IGSF21: variants seen among roughly 807,000 people sequenced by gnomAD.
The protein encoded by IGSF21 is immunoglobulin superfamily member 21.
In IGSF21, 28 loss-of-function variants were observed where a neutral mutation model predicts 46.8. The observed-to-expected ratio is 0.60, with a 90% CI of 0.44 to 0.82. The LOEUF (loss-of-function observed/expected upper bound fraction) is 0.82. Among genes scored for constraint, IGSF21 ranks in the 40% least tolerant of loss-of-function variants. The pLI is 0.00. For missense variants in IGSF21, 624 were observed against 665.5 expected, an observed-to-expected ratio of 0.94 and a Z score of 0.69; for synonymous variants, 284 against 273.6, an observed-to-expected ratio of 1.04 and a Z score of -0.38.
intron 4 of IGSF21, among the ~76,000 whole-genome samples, chr1:18,345,571 G>A (rs2085884439): frequency 6.6e-6 from 1 of 152,040 alleles, no homozygotes; most frequent in African/African-American, 2.4e-5. Context: ...TTTTAGTAGA[G>A]ACATGTTTCT....
chr1:18,359,709 G>A (rs954229175), intron 4 of IGSF21, among the ~76,000 whole-genome samples: 1 of 152,166 alleles, frequency 6.6e-6, no homozygotes, highest in African/African-American at 2.4e-5. Context: ...AGCTCTAACT[G>A]CAGAGGTCAC....
intron 1 of IGSF21, among the ~76,000 whole-genome samples, chr1:18,147,871 G>T (rs2086484202): frequency 2.0e-5 from 3 of 152,232 alleles, no homozygotes; most frequent in Admixed American, 6.5e-5. Context: ...TCGTGGGAGG[G>T]ACTTGGTGGG....
At chr1:18,135,572 C>T (rs1203445899) in intron 1 of IGSF21, among the ~76,000 whole-genome samples, 1 of 152,158 alleles carries the variant, frequency 6.6e-6, no homozygotes, top group Non-Finnish European at 1.5e-5. Context: ...TCATCCATGT[C>T]CCTACAAAGG....
At chr1:18,177,122 A>G (rs1268983657) in intron 1 of IGSF21, among the ~76,000 whole-genome samples, 3 of 152,214 alleles carry the variant, frequency 2.0e-5, no homozygotes, top group Non-Finnish European at 4.4e-5. Context: ...CTGGGAAGAT[A>G]TATTGCTTGA....
chr1:18,305,163 C>T (rs1041069478), intron 3 of IGSF21, among the ~76,000 whole-genome samples: 1 of 149,734 alleles, frequency 6.7e-6, no homozygotes, highest in African/African-American at 2.5e-5. Context: ...AGTAAGCACT[C>T]AATAAGAGAT....
At chr1:18,239,348 G>T (rs932584641) in intron 2 of IGSF21, among the ~76,000 whole-genome samples, 23 of 151,926 alleles carry the variant, frequency 1.5e-4, no homozygotes, top group Admixed American at 7.9e-4. Flanking sequence ...CATTTTCCTT[G>T]TTGGGTGTGA....
intron 3 of IGSF21, among the ~76,000 whole-genome samples, chr1:18,315,302 G>A (rs1045918246): frequency 6.6e-6 from 1 of 152,098 alleles, no homozygotes; most frequent in African/African-American, 2.4e-5. Flanking sequence ...AGTATAGCCT[G>A]GTCAGATCTT....
intron 3 of IGSF21, among the ~76,000 whole-genome samples, chr1:18,327,649 A>G (rs955383482): frequency 6.6e-6 from 1 of 152,210 alleles, no homozygotes; most frequent in African/African-American, 2.4e-5. Flanking sequence ...AAAACATAGT[A>G]CACACTTTGT....
At position 18,356,863 on chromosome 1, in the gene IGSF21, G is replaced by C. The variant is rs192699296; in HGVS notation, c.425-5252G>C. On this transcript the variant is annotated intron_variant, in intron 4 of 9. Transcript: ENST00000251296. ...GGAATGGAGGTGGGATAGAGATGGG[G>C]GAGGAGATGGAGTTGAAGTTGGTCG... Among the ~76,000 whole-genome samples, 21 of 152,250 alleles carry C rather than the reference G, an allele frequency of 1.4e-4. No homozygotes were observed. The East Asian group carries it at 3.9e-3, about 28-fold the overall frequency.
intron 2 of IGSF21, among the ~76,000 whole-genome samples, chr1:18,269,537 A>G (rs997756220): frequency 1.3e-5 from 2 of 152,192 alleles, no homozygotes; most frequent in African/African-American, 4.8e-5. Flanking sequence ...GAAGTTCTCT[A>G]AAGTCCAGAG....
At chr1:18,369,945 G>A (rs2086208225) in intron 6 of IGSF21, among the ~76,000 whole-genome samples, 1 of 152,122 alleles carries the variant, frequency 6.6e-6, no homozygotes, top group Admixed American at 6.6e-5. Context: ...TGGCAACCAT[G>A]TCCTTCCCAT....
At chr1:18,308,542 G>A (rs1459792525) in intron 3 of IGSF21, among the ~76,000 whole-genome samples, 2 of 152,150 alleles carry the variant, frequency 1.3e-5, no homozygotes, top group South Asian at 4.1e-4. Context: ...ACCCCTTGAG[G>A]CAGCTCATGC....
chr1:18,241,918 C>T (rs1033772322), intron 2 of IGSF21, among the ~76,000 whole-genome samples: 3 of 152,144 alleles, frequency 2.0e-5, no homozygotes, highest in African/African-American at 7.2e-5. Flanking sequence ...CTTAGAGCAG[C>T]CCAGCCTTCT....
At position 18,365,108 on chromosome 1, in the gene IGSF21, A is replaced by T. The variant is rs2086146646; in HGVS notation, c.541-115A>T. On this transcript the variant is annotated intron_variant, in intron 5 of 9. Coordinates refer to ENST00000251296, the MANE Select transcript of IGSF21 (RefSeq NM_032880.5). This position sits in a 1 kb window ranked among gnomAD's most constrained non-coding sequence, Gnocchi z 4.8. ...AAGAGTGGGGTGAGGGCTACTGTCT[A>T]GACTACTATGCTCTGGAAGAACTGG... 1 of 774,384 alleles carries T rather than the reference A, an allele frequency of 1.3e-6. No homozygotes were observed. The highest frequency in any genetic ancestry group is 2.2e-6 in the Non-Finnish European group (1 of 461,368). The allele number at this position is 774,384 out of a possible 1,614,324, so 48.0% of individuals were successfully genotyped here.
intron 3 of IGSF21, among the ~76,000 whole-genome samples, chr1:18,332,065 T>TG (rs1180798585): frequency 6.6e-6 from 1 of 152,224 alleles, no homozygotes; most frequent in Non-Finnish European, 1.5e-5. Flanking sequence ...TACCCCGAGC[T>TG]GTCTTCTATA....
intron 1 of IGSF21, among the ~76,000 whole-genome samples, chr1:18,174,803 C>T (rs2086779595): frequency 1.3e-5 from 2 of 152,244 alleles, no homozygotes; most frequent in Non-Finnish European, 2.9e-5. Context: ...CCTGGCTTCT[C>T]CTGTGCCCTG....
Position 18,365,973 on chromosome 1 carries a change from A to C in IGSF21, c.1015+276A>C, listed in dbSNP as rs574033300. ...GAGTTTGCTGGATAGGGTCAGGGAC[A>C]CAGGAGATCAGGGGAGGTCAGAGGA... On this transcript the variant is annotated intron_variant, in intron 6 of 9. Coordinates refer to ENST00000251296, the MANE Select transcript of IGSF21 (RefSeq NM_032880.5). This position sits in a 1 kb window ranked among gnomAD's most constrained non-coding sequence, Gnocchi z 4.8. 6.6e-6 allele frequency among the ~76,000 whole-genome samples: 1 copy of C among 152,308 alleles called. No individual in the cohort carries two copies. The highest frequency in any genetic ancestry group is 1.9e-4 in the East Asian group (1 of 5,174).
At chr1:18,183,276 G>A (rs1169739239) in intron 1 of IGSF21, among the ~76,000 whole-genome samples, 1 of 152,152 alleles carries the variant, frequency 6.6e-6, no homozygotes, top group Non-Finnish European at 1.5e-5. Context: ...AAATTTTGAG[G>A]CACCATCTAG....
At chr1:18,174,581 G>A (rs560050755) in intron 1 of IGSF21, among the ~76,000 whole-genome samples, 135 of 152,250 alleles carry the variant, frequency 8.9e-4, no homozygotes, top group South Asian at 8.5e-3. Flanking sequence ...CACTTCAAGC[G>A]TGCCACCCGA....
Sources: allele counts gnomAD v4.1 joint callset (sites outside exome capture counted in the v4.1 genomes callset), GRCh38; gene constraint gnomAD v4.1.1; non-coding constraint Gnocchi (gnomAD v3.1); transcripts MANE v1.5; gene names NCBI Gene and HGNC (gene_info 2026-07-23, HGNC 2026-07-21).